The following LAMC1 variants were observed in gnomAD, a reference collection of about 807,000 sequenced individuals.
LAMC1 encodes laminin subunit gamma-1.
In LAMC1, 38 loss-of-function variants were observed where a neutral mutation model predicts 173.6. That is an observed-to-expected ratio of 0.22 (90% CI 0.17 to 0.29). The LOEUF (loss-of-function observed/expected upper bound fraction) is 0.29. Among genes scored for constraint, LAMC1 ranks in the 10% least tolerant of loss-of-function variants. The probability of loss-of-function intolerance (pLI) is 1.00; values close to 1 mark genes in which losing one functional copy is unlikely to be tolerated. For synonymous variants in LAMC1, 746 were observed against 749.1 expected, an observed-to-expected ratio of 1.00 and a Z score of 0.07; for missense variants, 1,824 against 2,051.8, an observed-to-expected ratio of 0.89 and a Z score of 2.14.
intron 1 of LAMC1, among the ~76,000 whole-genome samples, chr1:183,055,533 G>A (rs1326341556): frequency 6.6e-6 from 1 of 151,984 alleles, no homozygotes; most frequent in Admixed American, 6.6e-5. Context: ...AAGGCATTAG[G>A]CCGGGTGCAG....
intron 2 of LAMC1, among the ~76,000 whole-genome samples, chr1:183,106,594 C>G (rs915249151): frequency 1.3e-5 from 2 of 152,128 alleles, no homozygotes; most frequent in African/African-American, 4.8e-5. Context: ...TGTTACGTCT[C>G]CAAAGGTGAT....
At chr1:183,125,650 C>T in intron 15 of LAMC1, 100 bp downstream of exon 15, 3 of 891,384 alleles carry the variant, frequency 3.4e-6, no homozygotes, top group Non-Finnish European at 5.1e-6. Context: ...TCAGAAATTA[C>T]TGGAGCGCCT....
intron 1 of LAMC1, among the ~76,000 whole-genome samples, chr1:183,087,036 T>C (rs982553895): frequency 6.6e-6 from 1 of 152,232 alleles, no homozygotes; most frequent in Non-Finnish European, 1.5e-5. Flanking sequence ...AATTGAGGTA[T>C]GGCTGCTCCT....
chr1:183,046,341 A>G (rs1446872424), intron 1 of LAMC1, among the ~76,000 whole-genome samples: 17 of 152,094 alleles, frequency 1.1e-4, no homozygotes, highest in Non-Finnish European at 1.5e-5. Flanking sequence ...TGTAAAATTT[A>G]GAATCAGGTT....
In LAMC1 at chr1:183,122,218, G is replaced by A. The variant is rs755573214; in HGVS notation, c.2368G>A (p.Val790Met). The A allele has an allele frequency of 1.2e-6, 2 of 1,614,198 alleles. No individual in the cohort carries two copies. Among genetic ancestry groups the A allele is most frequent in the African/African-American group, 1.3e-5 (1 of 75,044 alleles). Residue 790 changes from valine to methionine, a missense_variant, in exon 13 of 28, where the codon GTG becomes ATG. Transcript: ENST00000258341. ...TGCTGTTGTTCCCAAGACAAAGGAGGTGGTGTGCACCAACTGTCCTACTGG... is the reference window on the plus strand; with the variant it reads ...TGCTGTTGTTCCCAAGACAAAGGAGATGGTGTGCACCAACTGTCCTACTGG... ...SCAVVPKTKEVVCTNCPTGTT... is the reference protein window; with the variant it reads ...SCAVVPKTKEMVCTNCPTGTT...
chr1:183,024,579 T>A (rs1385943132), intron 1 of LAMC1, among the ~76,000 whole-genome samples: 2 of 152,246 alleles, frequency 1.3e-5, no homozygotes, highest in African/African-American at 4.8e-5. Flanking sequence ...CTTCCAGGGC[T>A]GAGGGTGATT....
In LAMC1 at chr1:183,125,468, T is replaced by C. The variant is rs1302801950; in HGVS notation, c.2719T>C (p.Cys907Arg). 1 of 1,614,006 alleles carries C rather than the reference T, an allele frequency of 6.2e-7. No homozygotes were observed. Among genetic ancestry groups the C allele is most frequent in the Non-Finnish European group, 8.5e-7 (1 of 1,179,846 alleles). The change falls in exon 15 of 28, where the codon TGT becomes CGT. Residue 907 changes from cysteine to arginine, a missense_variant. By Grantham distance (180) the Cys-to-Arg change is radical. Coordinates refer to ENST00000258341, the MANE Select transcript of LAMC1 (RefSeq NM_002293.4). Reference protein sequence around the residue: ...SCNPVTGQCECLPHVTGQDCG... With the variant: ...SCNPVTGQCERLPHVTGQDCG... ...TAACCCCGTGACGGGGCAGTGTGAA[T>C]GTTTGCCTCACGTGACTGGCCAGGA...
intron 1 of LAMC1, among the ~76,000 whole-genome samples, chr1:183,058,384 G>A (rs1034921398): frequency 2.6e-5 from 4 of 152,120 alleles, no homozygotes; most frequent in Admixed American, 1.3e-4. Context: ...CCCATCTATG[G>A]TTATTTCAAT....
At chr1:183,074,725 A>T (rs112530999) in intron 1 of LAMC1, among the ~76,000 whole-genome samples, 353 of 152,206 alleles carry the variant, frequency 2.3e-3, no homozygotes, top group Middle Eastern at 0.01. Context: ...TTTCATTCTG[A>T]TCTGTTAGTT....
In LAMC1 at chr1:183,142,422, C is replaced by G. The variant is rs1657139537; in HGVS notation, c.4574-112C>G. ...CAATCTGCAAGTCACATTTGCCGGG[C>G]TGCCTGTGCAGAATGGCAGCTGCTG... On this transcript the variant is annotated intron_variant, in intron 27 of 27. Coordinates refer to ENST00000258341, the MANE Select transcript of LAMC1 (RefSeq NM_002293.4). 3.6e-6 allele frequency: 4 copies of G among 1,114,154 alleles called. No individual in the cohort carries two copies. In the South Asian group the frequency reaches 6.3e-5, roughly 18 times the overall value. The allele number at this position is 1,114,154 out of a possible 1,614,324, so 69.0% of individuals were successfully genotyped here. A position where few individuals can be genotyped will look rare whatever the true frequency, so the allele number is the denominator to read the frequency against.
chr1:183,045,944 A>G (rs1478244398), intron 1 of LAMC1, among the ~76,000 whole-genome samples: 2 of 151,924 alleles, frequency 1.3e-5, no homozygotes, highest in African/African-American at 4.8e-5. Context: ...ATGTCTCATC[A>G]TGTTTTCTTT....
chr1:183,052,958 G>A lies in LAMC1; in HGVS notation c.418+28824G>A, dbSNP rs1654472949. On this transcript the variant is annotated intron_variant, in intron 1 of 27. Transcript: ENST00000258341. ...TAAAGAATTATTGTCTTAAGGGTAT[G>A]TGGGTTTCCTTATCCAAACACAGGT... 2.6e-5 allele frequency among the ~76,000 whole-genome samples: 4 copies of A among 152,198 alleles called. No homozygotes were observed. The South Asian group carries it at 8.3e-4, about 32-fold the overall frequency.
rs191843096 is a variant in LAMC1 at position 183,143,982 on chromosome 1, C to T, written c.*1192C>T. On this transcript the variant is annotated 3_prime_UTR_variant, in exon 28 of 28. Transcript: ENST00000258341. ...TATTTCACACAGCTGCCAACGCTAT[C>T]GAGTTCCTGCACTTTGTGATTTAAA... The T allele has an allele frequency of 5.9e-5, 9 of 152,420 alleles. No individual in the cohort carries two copies. Among genetic ancestry groups the T allele is most frequent in the East Asian group, 1.9e-4 (1 of 5,184 alleles). 9.4% of individuals were successfully genotyped at this position (152,420 alleles called of 1,614,324 possible).
intron 1 of LAMC1, among the ~76,000 whole-genome samples, chr1:183,082,432 G>A (rs1264824199): frequency 1.3e-5 from 2 of 152,154 alleles, no homozygotes; most frequent in East Asian, 1.9e-4. Context: ...ATGTATTTTT[G>A]ATGATTTCCT....
chr1:183,095,141 G>A (rs972903150), intron 1 of LAMC1, among the ~76,000 whole-genome samples: 3 of 152,062 alleles, frequency 2.0e-5, no homozygotes, highest in Non-Finnish European at 2.9e-5. Flanking sequence ...CACCGCGCCC[G>A]GTGGATTAGA....
rs780963786 is a variant in LAMC1 at position 183,140,517 on chromosome 1, G to A, written c.4573+14G>A. The A allele has an allele frequency of 1.3e-6, 2 of 1,563,188 alleles. No homozygotes were observed. The highest frequency in any genetic ancestry group is 3.4e-5 in the Admixed American group (2 of 59,396). On this transcript the variant is annotated intron_variant, in intron 27 of 27. Coordinates refer to ENST00000258341, the MANE Select transcript of LAMC1 (RefSeq NM_002293.4). ...TGGAGCAGCTGGGTACGTAGCCATA[G>A]AGTCATTTTTGTCAGTCTCTGAATC... is the stretch of plus-strand genomic sequence containing the variant.
At chr1:183,079,232 G>GTTTTTTTTTTTTTTT (rs796732672) in intron 1 of LAMC1, among the ~76,000 whole-genome samples, 1 of 62,838 alleles carries the variant, frequency 1.6e-5, no homozygotes, top group Non-Finnish European at 3.0e-5. Context: ...CTCTAATCTG[G>GTTTTTTTTTTTTTTT]TTTTTTTTTT....
In LAMC1 at chr1:183,122,165, C is replaced by A. The variant is rs769319364; in HGVS notation, c.2315C>A (p.Pro772His). The A allele has an allele frequency of 6.2e-7, 1 of 1,614,040 alleles. No homozygotes were observed. The highest frequency in any genetic ancestry group is 1.3e-5 in the African/African-American group (1 of 74,920). The change falls in exon 13 of 28, where the codon CCC (proline) becomes CAC (histidine). Residue 772 changes from proline to histidine, a missense_variant. Transcript: ENST00000258341. Reference sequence around the variant, plus strand: ...GCAGGCACCTCCTCCGATTGCCAACCCTGTCCGTGTCCTGGAGGTTCAAGT... The same window carrying A: ...GCAGGCACCTCCTCCGATTGCCAACACTGTCCGTGTCCTGGAGGTTCAAGT... ...STAGTSSDCQ[P>H]CPCPGGSSCA...
chr1:183,068,451 A>G (rs1401458533), intron 1 of LAMC1, among the ~76,000 whole-genome samples: 1 of 152,212 alleles, frequency 6.6e-6, no homozygotes, highest in Non-Finnish European at 1.5e-5. Context: ...TAGGGATATT[A>G]ATGTTCTTCA....
Sources: gnomAD v4.1 joint callset for allele counts (sites outside exome capture counted in the v4.1 genomes callset) on GRCh38, gnomAD v4.1.1 for gene constraint, MANE v1.5 for transcripts, NCBI Gene and HGNC (gene_info 2026-07-23, HGNC 2026-07-21) for gene names.